The following KLHL32 variants were observed in gnomAD, a reference collection of about 807,000 sequenced individuals.
KLHL32 encodes kelch like family member 32.
A neutral mutation model predicts 64.8 loss-of-function variants in KLHL32; 35 were observed. That is an observed-to-expected ratio of 0.54 (90% CI 0.41 to 0.72). The LOEUF (loss-of-function observed/expected upper bound fraction) is 0.72. KLHL32 is among the 30% of genes least tolerant of loss of function. The pLI, the probability that KLHL32 is intolerant of heterozygous loss-of-function variation, is 0.00. For synonymous variants in KLHL32, 259 were observed against 281.0 expected (o/e 0.92, Z 0.78); for missense variants, 589 against 768.5 (o/e 0.77, Z 2.76).
chr6:96,972,603 A>G (rs1775237877), intron 2 of KLHL32, among the ~76,000 whole-genome samples: 1 of 152,160 alleles, frequency 6.6e-6, no homozygotes, highest in Non-Finnish European at 1.5e-5. Context: ...CAGTTTTAGG[A>G]TGACACTCAA....
At chr6:96,939,990 T>C (rs1326392223) in intron 1 of KLHL32, among the ~76,000 whole-genome samples, 1 of 151,954 alleles carries the variant, frequency 6.6e-6, no homozygotes, top group East Asian at 1.9e-4. Context: ...CTGGATTGAA[T>C]ATTGAGGGTG....
intron 3 of KLHL32, among the ~76,000 whole-genome samples, chr6:96,989,418 A>G (rs1055800427): frequency 6.6e-6 from 1 of 152,190 alleles, no homozygotes; most frequent in Non-Finnish European, 1.5e-5. Flanking sequence ...AATGCTGAAT[A>G]TAGGCCCCAA....
At chr6:97,030,466 C>A (rs377531798) in intron 3 of KLHL32, among the ~76,000 whole-genome samples, 44 of 152,322 alleles carry the variant, frequency 2.9e-4, no homozygotes, top group African/African-American at 9.1e-4. Flanking sequence ...TATATACTCA[C>A]AAACTAGGTT....
intron 6 of KLHL32, among the ~76,000 whole-genome samples, chr6:97,093,339 T>C (rs1014109014): frequency 1.3e-5 from 2 of 152,218 alleles, no homozygotes; most frequent in Non-Finnish European, 2.9e-5. Flanking sequence ...CTTGAGTCTC[T>C]CATCACCCTT....
At chr6:97,014,626 T>A (rs1780888014) in intron 3 of KLHL32, among the ~76,000 whole-genome samples, 1 of 152,210 alleles carries the variant, frequency 6.6e-6, no homozygotes, top group African/African-American at 2.4e-5. Flanking sequence ...AGCCAGATAA[T>A]CTGCATTTTG....
chr6:97,051,260 G>T (rs913081287), intron 4 of KLHL32, among the ~76,000 whole-genome samples: 34 of 152,248 alleles, frequency 2.2e-4, no homozygotes, highest in African/African-American at 8.2e-4. Context: ...ATTCAAATGA[G>T]CTGGATTTGT....
intron 1 of KLHL32, among the ~76,000 whole-genome samples, chr6:96,945,275 C>T (rs1771783536): frequency 6.6e-6 from 1 of 152,198 alleles, no homozygotes. Context: ...CTGTCTGTTG[C>T]TTACCATGAT....
chr6:97,094,474 A>T (rs561207887), intron 6 of KLHL32, among the ~76,000 whole-genome samples: 1 of 152,298 alleles, frequency 6.6e-6, no homozygotes, highest in Non-Finnish European at 1.5e-5. Flanking sequence ...CCATTCTGAG[A>T]TCATAATCAG....
At chr6:97,138,221 C>CAGTTAG (rs1800260522) in intron 10 of KLHL32, among the ~76,000 whole-genome samples, 1 of 149,060 alleles carries the variant, frequency 6.7e-6, no homozygotes, top group Non-Finnish European at 1.5e-5. Context: ...ACAGCAGGCA[C>CAGTTAG]TGACTAACAG....
At chr6:96,958,478 G>A (rs1167550051) in intron 1 of KLHL32, among the ~76,000 whole-genome samples, 1 of 152,164 alleles carries the variant, frequency 6.6e-6, no homozygotes. Context: ...TGAGGGGAGA[G>A]AACAATTGAG....
At chr6:97,069,844 A>C (rs1416541017) in intron 5 of KLHL32, among the ~76,000 whole-genome samples, 3 of 152,110 alleles carry the variant, frequency 2.0e-5, no homozygotes, top group Non-Finnish European at 4.4e-5. Context: ...GACACTGAGG[A>C]GCTCACATAT....
At position 97,085,243 on chromosome 6, in the gene KLHL32, AG is replaced by A; in HGVS notation, c.530del (p.Ser177ThrfsTer7). 6.2e-7 allele frequency: 1 copy of A among 1,614,004 alleles called. No individual in the cohort carries two copies. The highest frequency in any genetic ancestry group is 8.5e-7 in the Non-Finnish European group (1 of 1,180,022). ...GAAACATCTCTCTGAACTCCTGAAG[AG>A]CCGCCCAGAAGAAGTTCTAACGCTT... ...LVKHLSELLK[S>X]RPEEVLTLPY... is the part of the protein sequence containing the mutation. On this transcript the variant is annotated frameshift_variant, in exon 6 of 11. Coordinates refer to ENST00000369261, the MANE Select transcript of KLHL32 (RefSeq NM_052904.4). LOFTEE classifies it high-confidence loss of function.
At chr6:96,946,254 C>G (rs60919663) in intron 1 of KLHL32, among the ~76,000 whole-genome samples, 2,580 of 152,192 alleles carry the variant, frequency 0.017, 69 homozygotes, top group African/African-American at 0.057. Context: ...TATATAATAT[C>G]TATTTTCAGT....
intron 5 of KLHL32, among the ~76,000 whole-genome samples, chr6:97,076,656 C>A (rs754749180): frequency 1.3e-5 from 2 of 152,104 alleles, no homozygotes; most frequent in Non-Finnish European, 2.9e-5. Flanking sequence ...ATTAGGTGTA[C>A]TTATAATATT....
intron 6 of KLHL32, among the ~76,000 whole-genome samples, chr6:97,112,798 G>C (rs2128209193): frequency 6.7e-6 from 1 of 149,808 alleles, no homozygotes; most frequent in Admixed American, 6.6e-5. Flanking sequence ...TAAAACTAAA[G>C]CAGGTACATT....
At chr6:97,046,666 A>T (rs1785974598) in intron 4 of KLHL32, among the ~76,000 whole-genome samples, 1 of 152,212 alleles carries the variant, frequency 6.6e-6, no homozygotes, top group African/African-American at 2.4e-5. Flanking sequence ...CCTTTGAGAC[A>T]TGGACACAGC....
At chr6:96,993,379 A>G (rs541775462) in intron 3 of KLHL32, among the ~76,000 whole-genome samples, 82 of 152,264 alleles carry the variant, frequency 5.4e-4, no homozygotes, top group African/African-American at 1.9e-3. Context: ...AAGCTGGGCC[A>G]TGTATTTAGA....
intron 3 of KLHL32, among the ~76,000 whole-genome samples, chr6:96,992,354 G>T (rs1582623692): frequency 6.6e-6 from 1 of 152,366 alleles, no homozygotes. Flanking sequence ...CCGGTGGGCA[G>T]TTGTCCTGTC....
intron 10 of KLHL32, among the ~76,000 whole-genome samples, chr6:97,134,868 C>T (rs1799823670): frequency 6.6e-6 from 1 of 152,118 alleles, no homozygotes; most frequent in Non-Finnish European, 1.5e-5. Flanking sequence ...ATAAAAAAAA[C>T]TTCGTAGTCG....
Sources: gnomAD v4.1 joint callset for allele counts (sites outside exome capture counted in the v4.1 genomes callset) on GRCh38, gnomAD v4.1.1 for gene constraint, MANE v1.5 for transcripts, NCBI Gene and HGNC (gene_info 2026-07-23, HGNC 2026-07-21) for gene names.